The following DCHS2 variants were observed in gnomAD, a reference collection of about 807,000 sequenced individuals.
The protein encoded by DCHS2 is protocadherin-23.
DCHS2 carries 142 observed loss-of-function variants against 182.4 expected under a neutral mutation model. That is an observed-to-expected ratio of 0.78 (90% confidence interval 0.68 to 0.89). DCHS2 has a LOEUF of 0.89. Ranked by LOEUF, DCHS2 falls within the 40% of genes least tolerant of loss-of-function variation. The pLI, the probability that DCHS2 is intolerant of heterozygous loss-of-function variation, is 0.00. For synonymous variants in DCHS2, 1,740 were observed against 1,663.3 expected (o/e 1.05, Z -1.12); for missense variants, 4,319 against 4,198.6 (o/e 1.03, Z -0.79).
chr4:154,486,882 A>C (rs546953675), intron 1 of DCHS2, among the ~76,000 whole-genome samples: 1 of 152,250 alleles, frequency 6.6e-6, no homozygotes, highest in South Asian at 2.1e-4. Flanking sequence ...AGCACAATTT[A>C]ATGCTGTCTG....
intron 7 of DCHS2, among the ~76,000 whole-genome samples, chr4:154,325,239 A>T (rs370653438): frequency 7.9e-5 from 12 of 151,662 alleles, no homozygotes; most frequent in African/African-American, 2.9e-4. Flanking sequence ...TTTATCTTTG[A>T]AGTCCATACA....
intron 3 of DCHS2, among the ~76,000 whole-genome samples, chr4:154,362,058 C>T (rs527427002): frequency 6.6e-6 from 1 of 152,238 alleles, no homozygotes; most frequent in African/African-American, 2.4e-5. Context: ...ATCTTCTTCT[C>T]ATATGACATA....
intron 15 of DCHS2, 50 bp downstream of exon 15, chr4:154,259,495 C>G (rs765417443): frequency 3.2e-6 from 5 of 1,585,478 alleles, no homozygotes; most frequent in Non-Finnish European, 4.3e-6. Context: ...CTCACACAGA[C>G]ACACCCACAC....
At chr4:154,305,823 CCT>C (rs1467030937) in intron 10 of DCHS2, among the ~76,000 whole-genome samples, 1 of 152,010 alleles carries the variant, frequency 6.6e-6, no homozygotes, top group Non-Finnish European at 1.5e-5. Context: ...TCATTTCTCC[CCT>C]GAGAAAAGTA....
chr4:154,304,958 A>G (rs935400607), intron 11 of DCHS2, 80 bp from the exon 12 acceptor site: 2 of 1,514,742 alleles, frequency 1.3e-6, no homozygotes, highest in African/African-American at 1.4e-5. Context: ...AGACAATGTC[A>G]GGCTAACCAG....
intron 1 of DCHS2, among the ~76,000 whole-genome samples, chr4:154,479,263 C>T (rs1735818255): frequency 1.3e-5 from 2 of 151,898 alleles, no homozygotes; most frequent in African/African-American, 4.8e-5. Context: ...GCCATCTGAT[C>T]TGAAGAATAG....
intron 16 of DCHS2, among the ~76,000 whole-genome samples, chr4:154,252,935 G>A (rs1208626246): frequency 6.6e-6 from 1 of 152,096 alleles, no homozygotes; most frequent in Non-Finnish European, 1.5e-5. Flanking sequence ...AGACAAAATA[G>A]CAATACTTCA....
chr4:154,390,502 T>TCACACACA, intron 1 of DCHS2, among the ~76,000 whole-genome samples: 1 of 148,342 alleles, frequency 6.7e-6, no homozygotes, highest in African/African-American at 2.5e-5. Context: ...ACTAAGTCAT[T>TCACACACA]CACACACACA....
chr4:154,395,198 C>T (rs1449781417), intron 1 of DCHS2, among the ~76,000 whole-genome samples: 1 of 152,122 alleles, frequency 6.6e-6, no homozygotes, highest in Non-Finnish European at 1.5e-5. Context: ...TTAATAACAT[C>T]ATTAAGTATG....
At chr4:154,384,240 C>A in intron 1 of DCHS2, 1 of 1,415,548 alleles carries the variant, frequency 7.1e-7, no homozygotes, top group Non-Finnish European at 9.4e-7. Context: ...ATGATCGAGG[C>A]TTGATCTTTA....
At chr4:154,315,278 A>T (rs192210672) in intron 10 of DCHS2, among the ~76,000 whole-genome samples, 1 of 152,292 alleles carries the variant, frequency 6.6e-6, no homozygotes, top group East Asian at 1.9e-4. Flanking sequence ...AAGAATTAGT[A>T]ACTTGTTCAA....
chr4:154,432,283 G>A (rs1369461027), intron 1 of DCHS2, among the ~76,000 whole-genome samples: 5 of 152,146 alleles, frequency 3.3e-5, no homozygotes, highest in Admixed American at 6.6e-5. Flanking sequence ...AGTCAGGCAT[G>A]CAATAATGCT....
chr4:154,474,207 G>T (rs1279706171), intron 1 of DCHS2, among the ~76,000 whole-genome samples: 1 of 152,110 alleles, frequency 6.6e-6, no homozygotes, highest in Non-Finnish European at 1.5e-5. Flanking sequence ...TGGAATTAGG[G>T]TCCACTCTAA....
At chr4:154,304,294 A>G (rs767692792) in intron 12 of DCHS2, among the ~76,000 whole-genome samples, 3 of 152,178 alleles carry the variant, frequency 2.0e-5, no homozygotes, top group Non-Finnish European at 4.4e-5. Context: ...GCATAGAAAA[A>G]AATTCACAGC....
Position 154,298,495 on chromosome 4 carries a change from G to A in DCHS2, c.5819C>T (p.Ser1940Phe). 1.9e-6 allele frequency: 3 copies of A among 1,614,122 alleles called. No individual in the cohort carries two copies. The highest frequency in any genetic ancestry group is 2.5e-6 in the Non-Finnish European group (3 of 1,180,004). Residue 1940 changes from serine (S) to phenylalanine (F), a missense_variant, in exon 13 of 20, where the codon TCC (serine) becomes TTC (phenylalanine). Transcript: ENST00000357232. ...CACTTCAGCATCTTCTCTCACAGAGGACTGGTAATAAAGTGTGGGAAAAGA... is the reference window on the plus strand; with the variant it reads ...CACTTCAGCATCTTCTCTCACAGAGAACTGGTAATAAAGTGTGGGAAAAGA... ...SPSFPTLYYQ[S>F]SVREDAEVGT...
Position 154,333,308 on chromosome 4 carries a change from A to G in DCHS2, c.2900T>C (p.Ile967Thr). ...APACSSTEVN[I>T]TVMDVNDNHP... ...GTTGTCATTGACATCCATGACTGTTATGTTGACCTCGGTGCTGCTGCAGGC... is the reference window on the plus strand; with the variant it reads ...GTTGTCATTGACATCCATGACTGTTGTGTTGACCTCGGTGCTGCTGCAGGC... The change falls in exon 5 of 20, where the codon ATA (isoleucine) becomes ACA (threonine). Residue 967 changes from isoleucine (I) to threonine (T), a missense_variant. Coordinates refer to ENST00000357232, the MANE Select transcript of DCHS2 (RefSeq NM_001358235.2). The G allele has an allele frequency of 1.2e-6, 2 of 1,614,066 alleles. No homozygotes were observed. Among genetic ancestry groups the G allele is most frequent in the Non-Finnish European group, 1.7e-6 (2 of 1,179,988 alleles).
At chr4:154,393,766 C>T (rs1263090869) in intron 1 of DCHS2, among the ~76,000 whole-genome samples, 1 of 152,140 alleles carries the variant, frequency 6.6e-6, no homozygotes, top group Non-Finnish European at 1.5e-5. Flanking sequence ...CATCACCACT[C>T]CCAACAGCAT....
At position 154,236,878 on chromosome 4, in the gene DCHS2, C is replaced by A; in HGVS notation, c.7774G>T (p.Gly2592Cys). The A allele has an allele frequency of 1.9e-6, 3 of 1,613,998 alleles. No individual in the cohort carries two copies. Among genetic ancestry groups the A allele is most frequent in the Non-Finnish European group, 2.5e-6 (3 of 1,179,938 alleles). ...ACATGAAAATTGTTCTGTGAATTAC[C>A]ACTGATGATGGAATATTCAACATAT... Reference protein sequence around the residue: ...NTYVEYSIISGNSQNNFHVET... With the variant: ...NTYVEYSIISCNSQNNFHVET... The change falls in exon 20 of 20, where the codon GGT becomes TGT. Residue 2592 changes from glycine (G) to cysteine (C), a missense_variant. By Grantham distance (159) the Gly-to-Cys change is radical (BLOSUM62 -3). Transcript: ENST00000357232.
rs574972898 is a variant in DCHS2, at chr4:154,326,500, G to A, written c.4018+1593C>T. On this transcript the variant is annotated intron_variant, in intron 7 of 19. Transcript: ENST00000357232. Reference sequence around the variant, plus strand: ...TTCTGCATTTCTTCTTGTTTAAACCGTCTTCTTTATTCTCAATGCCATATA... The same window carrying A: ...TTCTGCATTTCTTCTTGTTTAAACCATCTTCTTTATTCTCAATGCCATATA... 2.0e-4 allele frequency among the ~76,000 whole-genome samples: 31 copies of A among 152,024 alleles called. No homozygotes were observed. The South Asian group carries it at 2.3e-3, about 11-fold the overall frequency.
Sources: gnomAD v4.1 joint callset for allele counts (sites outside exome capture counted in the v4.1 genomes callset) on GRCh38, gnomAD v4.1.1 for gene constraint, MANE v1.5 for transcripts, NCBI Gene and HGNC (gene_info 2026-07-23, HGNC 2026-07-21) for gene names.